The following CHST3 variants were observed in gnomAD, a reference collection of about 807,000 sequenced individuals.
CHST3 encodes the protein C6ST-1.
In CHST3, 20 loss-of-function variants were observed where a neutral mutation model predicts 35.4. The ratio of observed to expected loss-of-function variants is 0.57; its 90% CI spans 0.40 to 0.82. The LOEUF (loss-of-function observed/expected upper bound fraction) is 0.82. Ranked by LOEUF, CHST3 falls within the 40% of genes least tolerant of loss-of-function variation. The pLI is 0.00. For missense variants in CHST3, 693 were observed against 670.1 expected, an observed-to-expected ratio of 1.03 and a Z score of -0.38; for synonymous variants, 334 against 295.9, an observed-to-expected ratio of 1.13 and a Z score of -1.32.
chr10:71,978,173 G>T (rs973454850), intron 1 of CHST3, among the ~76,000 whole-genome samples: 1 of 152,114 alleles, frequency 6.6e-6, no homozygotes, highest in African/African-American at 2.4e-5. Flanking sequence ...TTGAGGTCAG[G>T]AGTTTGAGAC....
chr10:71,985,733 T>C (rs946365376), intron 1 of CHST3, among the ~76,000 whole-genome samples: 1 of 152,198 alleles, frequency 6.6e-6, no homozygotes, highest in Non-Finnish European at 1.5e-5. Flanking sequence ...TTTTAATAAA[T>C]TGTACAGAGA....
chr10:71,988,374 C>T (rs1264410871), intron 1 of CHST3, among the ~76,000 whole-genome samples: 1 of 152,128 alleles, frequency 6.6e-6, no homozygotes, highest in African/African-American at 2.4e-5. Flanking sequence ...ATTGTAATCC[C>T]CAATGCTGGA....
chr10:71,968,410 C>G (rs544671343), intron 1 of CHST3, among the ~76,000 whole-genome samples: 53 of 152,298 alleles, frequency 3.5e-4, no homozygotes, highest in African/African-American at 1.2e-3. Flanking sequence ...GCATAGTTTG[C>G]AAATATTTTC....
rs145440508 is a variant in CHST3 at position 72,007,655 on chromosome 10, G to A, written c.624G>A (p.Thr208=). ...TGTACGTGCTGGAGCACTTCATCAC[G>A]CCGCTGCCCGAGGACCACCTGACTC... The part of the protein sequence containing the change: ...CDLYVLEHFI[T]PLPEDHLTQF... Residue 208 remains threonine, a synonymous_variant, in exon 3 of 3, where the codon ACG becomes ACA. Transcript: ENST00000373115. 8.5e-5 allele frequency: 136 copies of A among 1,609,172 alleles called. No individual in the cohort carries two copies. Among genetic ancestry groups the A allele is most frequent in the Non-Finnish European group, 1.0e-4 (118 of 1,179,430 alleles).
Position 71,967,975 on chromosome 10 carries a change from A to ATTTTTTTTTTTTTTT in CHST3, c.-108+3282_-108+3296dup, listed in dbSNP as rs61420934. On this transcript the variant is annotated intron_variant, in intron 1 of 2. Coordinates refer to ENST00000373115, the MANE Select transcript of CHST3 (RefSeq NM_004273.5). ...AGGCGTGCACCACCATGCGTGGCTA[A>ATTTTTTTTTTTTTTT]TTTTTTTTTTTTTTTGTATTTTAGT... Among the ~76,000 whole-genome samples the ATTTTTTTTTTTTTTT allele has an allele frequency of 1.1e-4, 15 of 142,088 alleles. 3 individuals are homozygous for ATTTTTTTTTTTTTTT. Among genetic ancestry groups the ATTTTTTTTTTTTTTT allele is most frequent in the Admixed American group, 2.1e-4 (3 of 14,074 alleles). 93.2% of individuals were successfully genotyped at this position (142,088 alleles called of 152,430 possible). A position where few individuals can be genotyped will look rare whatever the true frequency, so the allele number is the denominator to read the frequency against.
At chr10:72,004,694 G>A (rs1020895784) in intron 1 of CHST3, among the ~76,000 whole-genome samples, 4 of 152,166 alleles carry the variant, frequency 2.6e-5, no homozygotes, top group African/African-American at 9.6e-5. Context: ...TTTGTATCCC[G>A]CATCTATATT....
At chr10:71,966,346 C>T (rs1436866505) in intron 1 of CHST3, among the ~76,000 whole-genome samples, 2 of 152,092 alleles carry the variant, frequency 1.3e-5, no homozygotes. Context: ...CTGAGTATTG[C>T]TGTGGGTTCT....
chr10:71,999,466 T>C (rs1345843735), intron 1 of CHST3, among the ~76,000 whole-genome samples: 1 of 152,220 alleles, frequency 6.6e-6, no homozygotes, highest in Non-Finnish European at 1.5e-5. Context: ...CTCTTTCCCA[T>C]GCAGCTCCTC....
At chr10:71,966,658 C>T (rs1030676869) in intron 1 of CHST3, among the ~76,000 whole-genome samples, 1 of 152,226 alleles carries the variant, frequency 6.6e-6, no homozygotes, top group African/African-American at 2.4e-5. Context: ...AGGTGGAACC[C>T]TGCAGCCAGT....
At chr10:71,999,156 C>T (rs1055263796) in intron 1 of CHST3, among the ~76,000 whole-genome samples, 1 of 152,200 alleles carries the variant, frequency 6.6e-6, no homozygotes, top group Non-Finnish European at 1.5e-5. Context: ...AAAACCAAGG[C>T]AGTTGACATT....
intron 1 of CHST3, among the ~76,000 whole-genome samples, chr10:72,004,082 AG>A (rs1424273050): frequency 6.6e-6 from 1 of 152,124 alleles, no homozygotes; most frequent in Non-Finnish European, 1.5e-5. Flanking sequence ...AGGCTGAGGC[AG>A]GAGAATTGCT....
intron 1 of CHST3, among the ~76,000 whole-genome samples, chr10:71,974,164 A>G (rs1323621550): frequency 1.3e-5 from 2 of 152,208 alleles, no homozygotes; most frequent in African/African-American, 4.8e-5. Flanking sequence ...TTATATAGGT[A>G]TATGTTTTAA....
intron 1 of CHST3, among the ~76,000 whole-genome samples, chr10:71,984,318 C>T (rs895656931): frequency 4.6e-5 from 7 of 152,254 alleles, no homozygotes; most frequent in South Asian, 2.1e-4. Flanking sequence ...CCACCATGCT[C>T]GGCTGACGGC....
chr10:72,007,620 C>T lies in CHST3; in HGVS notation c.589C>T (p.Leu197=). ...VYRDVLKQLF[L]CDLYVLEHFI... ...CCGCGACGTGCTCAAGCAGCTCTTCCTGTGCGACCTGTACGTGCTGGAGCA... is the reference window on the plus strand; with the variant it reads ...CCGCGACGTGCTCAAGCAGCTCTTCTTGTGCGACCTGTACGTGCTGGAGCA... The change falls in exon 3 of 3, where the codon CTG becomes TTG. Residue 197 remains leucine (L), a synonymous_variant. Transcript: ENST00000373115. 1 of 1,610,126 alleles carries T rather than the reference C, an allele frequency of 6.2e-7. No homozygotes were observed. The highest frequency in any genetic ancestry group is 8.5e-7 in the Non-Finnish European group (1 of 1,179,580).
chr10:71,983,616 A>AT (rs1303159523), intron 1 of CHST3, among the ~76,000 whole-genome samples: 1 of 151,924 alleles, frequency 6.6e-6, no homozygotes, highest in Non-Finnish European at 1.5e-5. Flanking sequence ...ATGCCTGGCT[A>AT]TTTTTTGTAT....
chr10:71,976,720 T>C (rs557785654), intron 1 of CHST3, among the ~76,000 whole-genome samples: 1 of 152,260 alleles, frequency 6.6e-6, no homozygotes, highest in Non-Finnish European at 1.5e-5. Context: ...CAAATTTTCC[T>C]TTCTGTGATA....
intron 1 of CHST3, among the ~76,000 whole-genome samples, chr10:71,996,453 T>TGC (rs778168115): frequency 1.6e-5 from 1 of 62,716 alleles, no homozygotes; most frequent in African/African-American, 3.6e-5. Flanking sequence ...TGTCTCTGCG[T>TGC]GTGTGTGTGT....
At position 72,007,344 on chromosome 10, in the gene CHST3, C is replaced by G. The variant is rs747226832; in HGVS notation, c.313C>G (p.Pro105Ala). 42 of 1,609,256 alleles carry G rather than the reference C, an allele frequency of 2.6e-5. No individual in the cohort carries two copies. The highest frequency in any genetic ancestry group is 3.3e-5 in the Non-Finnish European group (39 of 1,177,976). ...RNLSLQLGVE[P>A]AMEAAGEEEE... ...CCTCAGCTTGCAGCTGGGCGTGGAGCCAGCCATGGAGGCCGCAGGGGAGGA... is the reference window on the plus strand; with the variant it reads ...CCTCAGCTTGCAGCTGGGCGTGGAGGCAGCCATGGAGGCCGCAGGGGAGGA... Residue 105 changes from proline to alanine, a missense_variant, in exon 3 of 3, where the codon CCA (proline) becomes GCA (alanine). Coordinates refer to ENST00000373115, the MANE Select transcript of CHST3 (RefSeq NM_004273.5).
intron 1 of CHST3, among the ~76,000 whole-genome samples, chr10:72,005,283 TTGTGTGTG>T (rs761296471): frequency 6.7e-6 from 1 of 149,314 alleles, no homozygotes; most frequent in Admixed American, 6.7e-5. Context: ...GTCTGCACCT[TTGTGTGTG>T]TGTGTGTGTC....
Sources: allele counts gnomAD v4.1 joint callset (sites outside exome capture counted in the v4.1 genomes callset), GRCh38; gene constraint gnomAD v4.1.1; transcripts MANE v1.5; gene names NCBI Gene and HGNC (gene_info 2026-07-23, HGNC 2026-07-21).